VAC14: variants seen among roughly 807,000 people sequenced by gnomAD.
The protein encoded by VAC14 is protein VAC14 homolog.
Under a neutral mutation model 85.3 loss-of-function variants are expected in VAC14, and 47 were observed. The observed-to-expected ratio is 0.55, with a 90% CI of 0.44 to 0.70. VAC14 has a LOEUF of 0.70. VAC14 is among the 30% of genes least tolerant of loss of function. The probability of loss-of-function intolerance (pLI) is 0.00; values close to 1 mark genes in which losing one functional copy is unlikely to be tolerated. For synonymous variants in VAC14, 447 were observed against 430.5 expected (o/e 1.04, Z -0.47); for missense variants, 861 against 1,004.3 (o/e 0.86, Z 1.93).
chr16:70,761,332 T>A lies in VAC14; in HGVS notation c.1371+1208A>T, dbSNP rs1016148871. 5 of 258,460 alleles carry A rather than the reference T, an allele frequency of 1.9e-5. No individual in the cohort carries two copies. The East Asian group carries it at 4.3e-4, about 22-fold the overall frequency. 16.0% of individuals were successfully genotyped at this position (258,460 alleles called of 1,614,324 possible). On this transcript the variant is annotated intron_variant, in intron 12 of 18. Transcript: ENST00000261776. The stretch of plus-strand genomic sequence containing the variant: ...CTGCAGTGTGGGCAGGTCTGTTGAT[T>A]CACGAGCTGGCTGCCTCATGGAGAT...
intron 12 of VAC14, among the ~76,000 whole-genome samples, chr16:70,761,717 TG>T (rs1421372380): frequency 6.6e-6 from 1 of 152,118 alleles, no homozygotes. Context: ...GCCTGGGATC[TG>T]GGTCAGCCTC....
chr16:70,784,641 C>T (rs2033964325), intron 4 of VAC14, 135 bp downstream of exon 4: 1 of 874,204 alleles, frequency 1.1e-6, no homozygotes, highest in Non-Finnish European at 1.9e-6. Flanking sequence ...TAGAACTGCA[C>T]ACCAGGGAGT....
chr16:70,781,592 G>T (rs2033812744), intron 8 of VAC14, among the ~76,000 whole-genome samples: 1 of 152,096 alleles, frequency 6.6e-6, no homozygotes, highest in Non-Finnish European at 1.5e-5. Flanking sequence ...CCAGCCCAAG[G>T]TGGGGCAGTA....
At chr16:70,732,540 C>A (rs936471769) in intron 13 of VAC14, among the ~76,000 whole-genome samples, 4 of 152,144 alleles carry the variant, frequency 2.6e-5, no homozygotes, top group African/African-American at 9.7e-5. Flanking sequence ...CCGTTGGTAT[C>A]TTCCCTGGAC....
rs749342181 is a variant in VAC14, at chr16:70,698,768, T to C, written c.1705A>G (p.Met569Val). 45 of 1,614,042 alleles carry C rather than the reference T, an allele frequency of 2.8e-5. No homozygotes were observed. The highest frequency in any genetic ancestry group is 7.6e-6 in the Non-Finnish European group (9 of 1,180,028). ...TCCTCCCGCAGCAGGATGTCTGCCA[T>C]TGAGTGGAAGATGTTCTCCGCATTC... ...LLNAENIFHS[M>V]ADILLREEDL... The change falls in exon 15 of 19, where the codon ATG (methionine) becomes GTG (valine). Residue 569 changes from methionine (M) to valine (V), a missense_variant. Met to Val is a conservative substitution (Grantham distance 21, BLOSUM62 1). Around this residue, in one of 3 missense-constraint regions of VAC14, gnomAD observed 69 missense variants for 139.0 expected, o/e 0.50. Coordinates refer to ENST00000261776, the MANE Select transcript of VAC14 (RefSeq NM_018052.5).
At chr16:70,699,002 C>T (rs975278120) in intron 14 of VAC14, among the ~76,000 whole-genome samples, 191 bp from the exon 15 acceptor site, 1 of 152,154 alleles carries the variant, frequency 6.6e-6, no homozygotes, top group Non-Finnish European at 1.5e-5. Flanking sequence ...GCCGCACCTG[C>T]CTCTAGGCCT....
chr16:70,706,478 G>A (rs1426020768), intron 14 of VAC14, among the ~76,000 whole-genome samples: 1 of 152,192 alleles, frequency 6.6e-6, no homozygotes, highest in Non-Finnish European at 1.5e-5. Flanking sequence ...CCAGCTGCCT[G>A]TGGCTCACTG....
intron 14 of VAC14, among the ~76,000 whole-genome samples, chr16:70,723,823 G>A (rs1271863366): frequency 6.6e-6 from 1 of 152,218 alleles, no homozygotes; most frequent in Non-Finnish European, 1.5e-5. Flanking sequence ...CTGATGAGGG[G>A]TCTGACCACG....
intron 14 of VAC14, chr16:70,715,164 G>A (rs1312387016): frequency 6.6e-6 from 1 of 152,298 alleles, no homozygotes; most frequent in Non-Finnish European, 1.5e-5. Flanking sequence ...TGTGGGGACT[G>A]GTCTCTGGGC....
chr16:70,687,780 A>T lies in VAC14; in HGVS notation c.*148T>A. On this transcript the variant is annotated 3_prime_UTR_variant, in exon 19 of 19. Coordinates refer to ENST00000261776, the MANE Select transcript of VAC14 (RefSeq NM_018052.5). ...TGGACTCTGAGAGGAGCTTGGGCAG[A>T]CACAGCAGCCTCCGGCCCCAACACT... 1 of 865,368 alleles carries T rather than the reference A, an allele frequency of 1.2e-6. No homozygotes were observed. Among genetic ancestry groups the T allele is most frequent in the Non-Finnish European group, 1.6e-6 (1 of 641,674 alleles). 53.6% of individuals were successfully genotyped at this position (865,368 alleles called of 1,614,324 possible).
intron 1 of VAC14, among the ~76,000 whole-genome samples, chr16:70,790,671 C>T (rs1305687343): frequency 6.6e-6 from 1 of 152,126 alleles, no homozygotes; most frequent in African/African-American, 2.4e-5. Flanking sequence ...GTTCCCTCCC[C>T]ACCCCCTCAC....
At chr16:70,777,317 A>G (rs1291265330) in intron 9 of VAC14, among the ~76,000 whole-genome samples, 4 of 152,220 alleles carry the variant, frequency 2.6e-5, no homozygotes, top group Admixed American at 6.5e-5. Context: ...ACATGCAAAA[A>G]TTTTGTCTGA....
At chr16:70,737,748 G>A (rs139682613) in intron 13 of VAC14, among the ~76,000 whole-genome samples, 1,706 of 152,312 alleles carry the variant, frequency 0.011, 13 homozygotes, top group Middle Eastern at 0.034. Context: ...CCTGCCCCGG[G>A]ATGTTTTGGA....
chr16:70,688,827 C>A (rs750694072), intron 18 of VAC14: 36 of 985,630 alleles, frequency 3.7e-5, no homozygotes, highest in Non-Finnish European at 4.2e-5. Flanking sequence ...GCGATGAGAT[C>A]CCCTTGGGCT....
chr16:70,731,638 A>G lies in VAC14; in HGVS notation c.1529-11T>C, dbSNP rs746874180. The G allele has an allele frequency of 6.2e-7, 1 of 1,613,546 alleles. No homozygotes were observed. The highest frequency in any genetic ancestry group is 1.1e-5 in the South Asian group (1 of 91,062). On this transcript the variant is annotated splice_polypyrimidine_tract_variant and intron_variant, in intron 13 of 18. Transcript: ENST00000261776. Reference sequence around the variant, plus strand: ...CTAAGCCTTTGGTACCTGTAGAGAAAGGGATAGAGCCAGCATTTATTCTGA... The same window carrying G: ...CTAAGCCTTTGGTACCTGTAGAGAAGGGGATAGAGCCAGCATTTATTCTGA...
Position 70,726,536 on chromosome 16 carries a change from C to T in VAC14, c.1661+4959G>A, listed in dbSNP as rs184065350. Among the ~76,000 whole-genome samples the T allele has an allele frequency of 5.0e-3, 760 of 152,294 alleles. 5 individuals carry two copies. Among genetic ancestry groups the T allele is most frequent in the Middle Eastern group, 0.02 (6 of 294 alleles). On this transcript the variant is annotated intron_variant, in intron 14 of 18. Transcript: ENST00000261776. ...TATATAACCCCACCACACTATGACACGGCAGGCACTATCATCGCTGCGTCA... is the reference window on the plus strand; with the variant it reads ...TATATAACCCCACCACACTATGACATGGCAGGCACTATCATCGCTGCGTCA...
intron 18 of VAC14, chr16:70,689,402 C>G (rs927579192): frequency 3.0e-6 from 3 of 985,254 alleles, no homozygotes; most frequent in African/African-American, 1.7e-5. Flanking sequence ...GGAGCTCCCC[C>G]AAAACGAACT....
intron 10 of VAC14, among the ~76,000 whole-genome samples, chr16:70,765,167 G>C (rs1351118348): frequency 6.6e-6 from 1 of 152,182 alleles, no homozygotes; most frequent in African/African-American, 2.4e-5. Flanking sequence ...GAAGCCACAG[G>C]GACATGTAGG....
chr16:70,738,429 C>T (rs1430012792), intron 13 of VAC14, among the ~76,000 whole-genome samples: 1 of 152,136 alleles, frequency 6.6e-6, no homozygotes, highest in Admixed American at 6.5e-5. Context: ...AGAGAGAAGC[C>T]GATGGGATGC....
Sources: gnomAD v4.1 joint callset for allele counts (sites outside exome capture counted in the v4.1 genomes callset) on GRCh38, gnomAD v4.1.1 for gene constraint, gnomAD v4.1.1 regional missense constraint, MANE v1.5 for transcripts, NCBI Gene and HGNC (gene_info 2026-07-23, HGNC 2026-07-21) for gene names.